Variants in ARHGEF3 observed in about 807,000 individuals in gnomAD.
ARHGEF3 encodes the protein 59.8 kDA protein.
ARHGEF3 carries 28 observed loss-of-function variants against 63.2 expected under a neutral mutation model. The observed-to-expected ratio is 0.44, with a 90% confidence interval of 0.33 to 0.61. ARHGEF3 has a LOEUF of 0.61. Among genes scored for constraint, ARHGEF3 ranks in the 20% least tolerant of loss-of-function variants. The probability of loss-of-function intolerance (pLI) is 0.03; values close to 1 mark genes in which losing one functional copy is unlikely to be tolerated. For missense variants in ARHGEF3, 533 were observed against 659.3 expected (o/e 0.81, Z 2.10); for synonymous variants, 266 against 254.2 (o/e 1.05, Z -0.44).
chr3:57,049,939 A>G (rs1416573208), intron 1 of ARHGEF3, among the ~76,000 whole-genome samples: 4 of 152,218 alleles, frequency 2.6e-5, no homozygotes, highest in African/African-American at 9.6e-5. Context: ...ATTGACAGCA[A>G]CAACTGCAGG....
At chr3:56,834,093 C>T (rs983771312) in intron 4 of ARHGEF3, among the ~76,000 whole-genome samples, 2 of 151,942 alleles carry the variant, frequency 1.3e-5, no homozygotes, top group African/African-American at 2.4e-5. Context: ...TTAGTAGAGA[C>T]GGGGTTTCAC....
intron 3 of ARHGEF3, among the ~76,000 whole-genome samples, chr3:56,937,680 A>G (rs1156508125): frequency 6.6e-6 from 1 of 152,160 alleles, no homozygotes; most frequent in Non-Finnish European, 1.5e-5. Context: ...TCTTCAGTTG[A>G]GCCCCAGAGG....
intron 4 of ARHGEF3, among the ~76,000 whole-genome samples, chr3:56,880,853 T>A (rs1030465356): frequency 7.9e-5 from 12 of 152,196 alleles, no homozygotes; most frequent in African/African-American, 2.4e-4. Context: ...CATCTTTTTG[T>A]CCTGTTCACC....
chr3:56,858,399 T>C (rs545306011), intron 4 of ARHGEF3, among the ~76,000 whole-genome samples: 1 of 152,294 alleles, frequency 6.6e-6, no homozygotes, highest in Admixed American at 6.5e-5. Context: ...TAAATATATA[T>C]TAACTGGCTG....
intron 2 of ARHGEF3, among the ~76,000 whole-genome samples, chr3:56,968,343 T>A (rs1232464953): frequency 9.9e-6 from 1 of 101,174 alleles, no homozygotes; most frequent in African/African-American, 3.8e-5. Flanking sequence ...TAATATATAA[T>A]ATATATATTT....
At chr3:57,034,381 T>C (rs1489351136) in intron 2 of ARHGEF3, among the ~76,000 whole-genome samples, 2 of 151,748 alleles carry the variant, frequency 1.3e-5, no homozygotes, top group East Asian at 3.9e-4. Flanking sequence ...GGGTCTGCCT[T>C]TGCCTCCTCT....
At chr3:56,804,095 G>A (rs866904983), upstream of ARHGEF3, among the ~76,000 whole-genome samples, 18 of 152,110 alleles carry the variant, frequency 1.2e-4, no homozygotes, top group African/African-American at 4.3e-4. Flanking sequence ...TGTTTGCCCA[G>A]GCTGGTCTCC....
chr3:56,886,002 G>A (rs987680468), intron 3 of ARHGEF3, among the ~76,000 whole-genome samples: 1 of 152,064 alleles, frequency 6.6e-6, no homozygotes, highest in Non-Finnish European at 1.5e-5. Flanking sequence ...CCCATTCTGG[G>A]TCCTTGGATA....
At chr3:56,935,109 T>C (rs972012902) in intron 3 of ARHGEF3, among the ~76,000 whole-genome samples, 16 of 148,744 alleles carry the variant, frequency 1.1e-4, no homozygotes, top group South Asian at 4.3e-4. Context: ...ATACACCAAT[T>C]GGCAGTCTGT....
At chr3:57,003,175 G>A (rs1440749736) in intron 2 of ARHGEF3, among the ~76,000 whole-genome samples, 1 of 151,178 alleles carries the variant, frequency 6.6e-6, no homozygotes, top group East Asian at 2.0e-4. Context: ...GGAGGCAGAG[G>A]CGGGCGGATC....
intron 4 of ARHGEF3, among the ~76,000 whole-genome samples, chr3:56,840,913 A>G (rs1432697533): frequency 6.6e-6 from 1 of 152,224 alleles, no homozygotes; most frequent in Non-Finnish European, 1.5e-5. Flanking sequence ...ACTGAGATAG[A>G]AAAGGTTTTT....
intron 3 of ARHGEF3, among the ~76,000 whole-genome samples, chr3:56,953,930 T>C (rs115098184): frequency 1.9e-3 from 290 of 152,334 alleles, no homozygotes; most frequent in African/African-American, 6.8e-3. Flanking sequence ...ATTCCCTTTA[T>C]ACTTGAGCTA....
rs1444100374 is a variant in ARHGEF3 at position 56,751,098 on chromosome 3, A to G, written c.570T>C (p.Pro190=). The change falls in exon 6 of 10, where the codon CCT becomes CCC. Residue 190 remains proline, a synonymous_variant. Coordinates refer to ENST00000296315, the MANE Select transcript of ARHGEF3 (RefSeq NM_019555.3). The part of the protein sequence containing the change: ...LLSQLRDVRK[P]DGSTEHVGPI... The stretch of plus-strand genomic sequence containing the variant: ...GACCAACATGTTCAGTCGAGCCATC[A>G]GGCTTCCTAACATCTCGAAGCTGAC... The G allele has an allele frequency of 6.2e-7, 1 of 1,614,140 alleles. No homozygotes were observed. The highest frequency in any genetic ancestry group is 8.5e-7 in the Non-Finnish European group (1 of 1,180,006).
chr3:56,986,506 C>G (rs4502553), intron 2 of ARHGEF3, among the ~76,000 whole-genome samples: 53,433 of 152,010 alleles, frequency 0.35, 9,589 homozygotes, highest in South Asian at 0.46. Context: ...TGACCAAAGG[C>G]AAGGACCTGC....
intron 2 of ARHGEF3, among the ~76,000 whole-genome samples, chr3:57,014,203 A>T (rs531082182): frequency 1.1e-4 from 16 of 152,094 alleles, no homozygotes; most frequent in Non-Finnish European, 2.4e-4. Context: ...AGAAGGAAAA[A>T]ACTCCAAACA....
chr3:56,903,696 T>C (rs933233024), intron 3 of ARHGEF3, among the ~76,000 whole-genome samples: 5 of 152,184 alleles, frequency 3.3e-5, no homozygotes, highest in African/African-American at 1.2e-4. Flanking sequence ...GGTAGTTTAT[T>C]TCAATCCAAC....
chr3:56,774,564 C>G (rs548816016), intron 1 of ARHGEF3, among the ~76,000 whole-genome samples: 1 of 152,250 alleles, frequency 6.6e-6, no homozygotes, highest in East Asian at 1.9e-4. Context: ...TGGGAGGGCG[C>G]CTACCCATTC....
At chr3:56,806,890 C>CTT (rs200241279), upstream of ARHGEF3, among the ~76,000 whole-genome samples, 1,482 of 145,832 alleles carry the variant, frequency 0.01, 29 homozygotes, top group African/African-American at 0.035. Context: ...TAGCGAGTTC[C>CTT]TTTTTTTTTT....
intron 2 of ARHGEF3, among the ~76,000 whole-genome samples, chr3:57,015,730 C>G (rs918909655): frequency 2.6e-5 from 4 of 151,972 alleles, no homozygotes; most frequent in Admixed American, 1.3e-4. Context: ...GCGTGAGCCA[C>G]TGCACCTGGC....
Sources: allele counts gnomAD v4.1 joint callset (sites outside exome capture counted in the v4.1 genomes callset), GRCh38; gene constraint gnomAD v4.1.1; transcripts MANE v1.5; gene names NCBI Gene and HGNC (gene_info 2026-07-23, HGNC 2026-07-21).